The following KCNIP4 variants were observed in gnomAD, a reference collection of about 807,000 sequenced individuals.
KCNIP4 encodes potassium voltage-gated channel interacting protein 4.
A neutral mutation model predicts 34.0 loss-of-function variants in KCNIP4; 12 were observed. That is an observed-to-expected ratio of 0.35 (90% confidence interval 0.23 to 0.57). KCNIP4 has a LOEUF of 0.57. Among genes scored for constraint, KCNIP4 ranks in the 20% least tolerant of loss-of-function variants. KCNIP4 has a pLI of 0.83. For missense variants in KCNIP4, 238 were observed against 311.7 expected (o/e 0.76, Z 1.78); for synonymous variants, 124 against 102.2 (o/e 1.21, Z -1.29).
At position 21,794,510 on chromosome 4, in the gene KCNIP4, T is replaced by G. The variant is rs1459617063; in HGVS notation, c.61+154061A>C. The stretch of plus-strand genomic sequence containing the variant: ...AGAGCAATAACTGCAACACGAGGGA[T>G]GCTGTAAATATAGGGTTGCCCTCTG... On this transcript the variant is annotated intron_variant, in intron 1 of 8. Coordinates refer to ENST00000382152, the MANE Select transcript of KCNIP4 (RefSeq NM_025221.6). 2.6e-5 allele frequency among the ~76,000 whole-genome samples: 4 copies of G among 152,148 alleles called. No homozygotes were observed. In the East Asian group the frequency reaches 7.7e-4, roughly 29 times the overall value.
intron 1 of KCNIP4, among the ~76,000 whole-genome samples, chr4:21,935,962 T>TTTTATATA (rs145463167): frequency 6.8e-6 from 1 of 147,998 alleles, no homozygotes; most frequent in African/African-American, 2.5e-5. Flanking sequence ...GAAATGAAGA[T>TTTTATATA]TATATATATA....
chr4:21,385,429 T>C (rs1269127619), intron 1 of KCNIP4, among the ~76,000 whole-genome samples: 2 of 152,120 alleles, frequency 1.3e-5, no homozygotes, highest in Non-Finnish European at 2.9e-5. Context: ...TATAGTACAA[T>C]GGTTAGGACT....
intron 1 of KCNIP4, among the ~76,000 whole-genome samples, chr4:21,603,549 A>G (rs894847022): frequency 3.9e-5 from 6 of 152,220 alleles, no homozygotes; most frequent in African/African-American, 1.4e-4. Flanking sequence ...CTACTTTTGA[A>G]TATTTTGAAG....
intron 1 of KCNIP4, among the ~76,000 whole-genome samples, chr4:21,927,701 G>A (rs187577686): frequency 5.3e-4 from 80 of 152,152 alleles, no homozygotes; most frequent in Non-Finnish European, 9.6e-4. Flanking sequence ...TATTCAAGTC[G>A]CATTACCTTG....
intron 1 of KCNIP4, among the ~76,000 whole-genome samples, chr4:21,639,453 G>T (rs908119891): frequency 6.6e-6 from 1 of 152,112 alleles, no homozygotes; most frequent in African/African-American, 2.4e-5. Flanking sequence ...ATTTTAAAGA[G>T]AATTATTTAA....
intron 1 of KCNIP4, among the ~76,000 whole-genome samples, chr4:21,464,240 G>C (rs1429241193): frequency 2.0e-5 from 3 of 151,176 alleles, no homozygotes; most frequent in Non-Finnish European, 4.4e-5. Flanking sequence ...TCTTCCTTCT[G>C]ATTGTTTTGC....
intron 2 of KCNIP4, among the ~76,000 whole-genome samples, chr4:20,861,970 G>GTTATTA (rs57269885): frequency 0.12 from 16,946 of 141,968 alleles, 1,290 homozygotes; most frequent in African/African-American, 0.21. Context: ...TATGGTAGGA[G>GTTATTA]TTATTATTAT....
intron 1 of KCNIP4, among the ~76,000 whole-genome samples, chr4:21,791,458 T>C (rs1326916224): frequency 5.3e-5 from 8 of 152,038 alleles, no homozygotes; most frequent in Admixed American, 5.2e-4. Context: ...CAAGTGAGAA[T>C]TTGAAGAAGA....
rs1740894647 is a variant in KCNIP4, at chr4:21,578,184, AT to A, written c.61+370386del. Among the ~76,000 whole-genome samples, 4 of 152,024 alleles carry A rather than the reference AT, an allele frequency of 2.6e-5. No individual in the cohort carries two copies. In the South Asian group the frequency reaches 8.3e-4, roughly 32 times the overall value. ...CCCTGTCTCTACTAAAGATACAAAAATTAGCCGGGCGTGGTAGCGGGCACCT... is the reference window on the plus strand; with the variant it reads ...CCCTGTCTCTACTAAAGATACAAAAATAGCCGGGCGTGGTAGCGGGCACCT... On this transcript the variant is annotated intron_variant, in intron 1 of 8. Transcript: ENST00000382152.
chr4:21,749,432 T>C (rs965287318), intron 1 of KCNIP4, among the ~76,000 whole-genome samples: 1 of 152,186 alleles, frequency 6.6e-6, no homozygotes, highest in African/African-American at 2.4e-5. Context: ...TCTTCTTTTG[T>C]GTTCCAATGA....
At chr4:21,155,886 T>C (rs912140052) in intron 1 of KCNIP4, among the ~76,000 whole-genome samples, 8 of 152,080 alleles carry the variant, frequency 5.3e-5, no homozygotes, top group African/African-American at 1.9e-4. Flanking sequence ...TTTTGCTCCC[T>C]TGCTTATCTA....
rs1211093953 is a variant in KCNIP4, at chr4:21,015,623, ATAT to A, written c.62-132917_62-132915del. 3.8e-3 allele frequency among the ~76,000 whole-genome samples: 475 copies of A among 124,352 alleles called. 9 individuals are homozygous for A. Among genetic ancestry groups the A allele is most frequent in the African/African-American group, 0.016 (448 of 28,516 alleles). The allele number at this position is 124,352 out of a possible 152,430, so 81.6% of individuals were successfully genotyped here. ...TTGTATTAATATAATATAATATAGTATATTGTATTAATATAATATAATATAGTA... is the reference window on the plus strand; with the variant it reads ...TTGTATTAATATAATATAATATAGTATGTATTAATATAATATAATATAGTA... On this transcript the variant is annotated intron_variant, in intron 1 of 8. Coordinates refer to ENST00000382152, the MANE Select transcript of KCNIP4 (RefSeq NM_025221.6).
intron 1 of KCNIP4, among the ~76,000 whole-genome samples, chr4:21,366,513 A>G (rs1367611287): frequency 5.9e-5 from 9 of 152,244 alleles, no homozygotes; most frequent in Non-Finnish European, 1.0e-4. Flanking sequence ...TAATTGCCAG[A>G]GTAGAACAGA....
chr4:21,887,003 A>G (rs1168159497), intron 1 of KCNIP4, among the ~76,000 whole-genome samples: 5 of 152,176 alleles, frequency 3.3e-5, no homozygotes, highest in Non-Finnish European at 5.9e-5. Context: ...TTAAAGATCT[A>G]CTAAGCAGCA....
At chr4:21,492,900 T>C (rs1249502156) in intron 1 of KCNIP4, among the ~76,000 whole-genome samples, 1 of 152,210 alleles carries the variant, frequency 6.6e-6, no homozygotes, top group East Asian at 1.9e-4. Context: ...TCCAGACTTG[T>C]AGAGCCACAG....
rs10428350 is a variant in KCNIP4, at chr4:20,965,110, A to T, written c.62-82401T>A. ...TTGGGATTTGCCTCTATTCTTTCCC[A>T]CCATAGTTAAGTGTGAAGATAGTCC... On this transcript the variant is annotated intron_variant, in intron 1 of 8. Transcript: ENST00000382152. Among the ~76,000 whole-genome samples, 669 of 152,332 alleles carry T rather than the reference A, an allele frequency of 4.4e-3. 10 individuals are homozygous for T. Among genetic ancestry groups the T allele is most frequent in the African/African-American group, 0.015 (644 of 41,588 alleles).
intron 1 of KCNIP4, among the ~76,000 whole-genome samples, chr4:21,324,850 A>G (rs941262176): frequency 6.6e-6 from 1 of 152,010 alleles, no homozygotes; most frequent in Non-Finnish European, 1.5e-5. Flanking sequence ...TGCTTTAGGT[A>G]GTATGGACAT....
chr4:20,741,480 A>T (rs1424588685), intron 5 of KCNIP4, among the ~76,000 whole-genome samples: 3 of 152,242 alleles, frequency 2.0e-5, no homozygotes, highest in Non-Finnish European at 4.4e-5. Flanking sequence ...CTGGGTAGAT[A>T]ATGAAATGAA....
At chr4:21,789,331 A>T (rs1720120963) in intron 1 of KCNIP4, among the ~76,000 whole-genome samples, 1 of 152,140 alleles carries the variant, frequency 6.6e-6, no homozygotes, top group African/African-American at 2.4e-5. Context: ...CAGGTGCAGC[A>T]TTTCATCTCA....
Sources: allele counts gnomAD v4.1 joint callset (sites outside exome capture counted in the v4.1 genomes callset), GRCh38; gene constraint gnomAD v4.1.1; transcripts MANE v1.5; gene names NCBI Gene and HGNC (gene_info 2026-07-23, HGNC 2026-07-21).